WARS1: variants seen among roughly 807,000 people sequenced by gnomAD.
WARS1 encodes tryptophan--tRNA ligase, cytoplasmic.
In WARS1, 17 loss-of-function variants were observed where a neutral mutation model predicts 47.8. The ratio of observed to expected loss-of-function variants is 0.36; its 90% CI spans 0.24 to 0.53. The LOEUF is 0.53. Ranked by LOEUF, WARS1 falls within the 20% of genes least tolerant of loss-of-function variation. The probability of loss-of-function intolerance (pLI) is 0.91; values close to 1 mark genes in which losing one functional copy is unlikely to be tolerated. For synonymous variants in WARS1, 208 were observed against 228.1 expected (o/e 0.91, Z 0.79); for missense variants, 434 against 608.0 (o/e 0.71, Z 3.01).
intron 2 of WARS1, chr14:100,365,904 T>A: frequency 2.4e-6 from 1 of 415,820 alleles, no homozygotes; most frequent in South Asian, 1.8e-5. Flanking sequence ...GAGTGTACAC[T>A]GTTACGGAAT....
At chr14:100,357,867 AAAG>A (rs771852424) in intron 4 of WARS1, among the ~76,000 whole-genome samples, 4 of 152,244 alleles carry the variant, frequency 2.6e-5, no homozygotes, top group Non-Finnish European at 5.9e-5. Flanking sequence ...AAATCTAAGC[AAAG>A]AAGTGCAAAA....
chr14:100,345,704 G>A (rs959428726), intron 7 of WARS1, among the ~76,000 whole-genome samples: 2 of 152,118 alleles, frequency 1.3e-5, no homozygotes, highest in East Asian at 1.9e-4. Flanking sequence ...TATGATGAAT[G>A]TATTTTGATA....
rs923734466 is a variant in WARS1 at position 100,351,849 on chromosome 14, C to T, written c.725+1838G>A. Among the ~76,000 whole-genome samples, 3 of 151,704 alleles carry T rather than the reference C, an allele frequency of 2.0e-5. 1 individual carries two copies. The highest frequency in any genetic ancestry group is 2.9e-5 in the Non-Finnish European group (2 of 67,958). On this transcript the variant is annotated intron_variant, in intron 6 of 10. Coordinates refer to ENST00000392882, the MANE Select transcript of WARS1 (RefSeq NM_004184.4). ...TCTACTAAAAATACAAAAAATTAGC[C>T]GGACATGGTGGCGGGCACCTGTAGT...
intron 7 of WARS1, among the ~76,000 whole-genome samples, chr14:100,344,293 C>T (rs898967317): frequency 4.6e-5 from 7 of 152,180 alleles, no homozygotes; most frequent in Admixed American, 2.6e-4. Flanking sequence ...CTGTGTTGGC[C>T]GGGCTGGTCT....
chr14:100,343,913 G>C (rs1894345549), intron 7 of WARS1, among the ~76,000 whole-genome samples: 1 of 152,212 alleles, frequency 6.6e-6, no homozygotes, highest in South Asian at 2.1e-4. Context: ...GATTACAGGC[G>C]TGAGCCACGG....
At chr14:100,335,866 C>G (rs1177837721) in intron 10 of WARS1, among the ~76,000 whole-genome samples, 1 of 152,114 alleles carries the variant, frequency 6.6e-6, no homozygotes, top group Non-Finnish European at 1.5e-5. Flanking sequence ...ACATTTCTTT[C>G]CCTGTGCATT....
At chr14:100,349,776 T>C (rs555542691) in intron 6 of WARS1, among the ~76,000 whole-genome samples, 166 of 152,350 alleles carry the variant, frequency 1.1e-3, no homozygotes, top group Non-Finnish European at 2.0e-3. Flanking sequence ...GGAACTGCAC[T>C]GGCCTCCTCC....
At chr14:100,342,161 A>AAG (rs1345007787) in intron 9 of WARS1, 4 of 558,666 alleles carry the variant, frequency 7.2e-6, no homozygotes, top group African/African-American at 1.9e-5. Context: ...AAAAAGAAAA[A>AAG]AAATTCAAAA....
intron 9 of WARS1, 146 bp from the exon 10 acceptor site, chr14:100,337,348 G>C (rs1187748727): frequency 5.1e-6 from 6 of 1,180,444 alleles, no homozygotes; most frequent in Non-Finnish European, 7.1e-6. Context: ...AGCCGGTTGG[G>C]GGCGCACAGC....
chr14:100,342,620 G>A (rs1463161977), intron 8 of WARS1, 49 bp from the exon 9 acceptor site: 4 of 1,547,826 alleles, frequency 2.6e-6, no homozygotes, highest in Non-Finnish European at 3.5e-6. Context: ...AAACATGCCA[G>A]CTTTCAGCCA....
chr14:100,359,697 G>A (rs1225494957), intron 4 of WARS1, among the ~76,000 whole-genome samples: 1 of 152,154 alleles, frequency 6.6e-6, no homozygotes, highest in South Asian at 2.1e-4. Flanking sequence ...GTGATGAAAT[G>A]TTTTGGAATT....
chr14:100,346,215 T>C (rs180906313), intron 7 of WARS1, among the ~76,000 whole-genome samples: 12 of 152,300 alleles, frequency 7.9e-5, no homozygotes, highest in Admixed American at 5.9e-4. Flanking sequence ...GGCAAACCAT[T>C]TGCACATCTG....
intron 6 of WARS1, among the ~76,000 whole-genome samples, chr14:100,353,353 C>G (rs1040487029): frequency 6.6e-6 from 1 of 152,092 alleles, no homozygotes; most frequent in Admixed American, 6.6e-5. Flanking sequence ...CGGGTTCAAG[C>G]GATTCTCCTG....
intron 2 of WARS1, among the ~76,000 whole-genome samples, chr14:100,368,645 T>C (rs8022027): frequency 0.68 from 104,094 of 152,100 alleles, 36,824 homozygotes; most frequent in Admixed American, 0.81. Flanking sequence ...ATCCCAATGT[T>C]GATAAAGGAA....
intron 2 of WARS1, chr14:100,365,888 G>A (rs1895956115): frequency 2.6e-6 from 1 of 383,934 alleles, no homozygotes; most frequent in African/African-American, 2.1e-5. Context: ...ATACTGGAAG[G>A]TGACCGAGTG....
At chr14:100,336,144 C>T (rs371206080) in intron 10 of WARS1, among the ~76,000 whole-genome samples, 3 of 151,792 alleles carry the variant, frequency 2.0e-5, no homozygotes, top group East Asian at 3.9e-4. Flanking sequence ...GGCATGGTGG[C>T]GGGTGCCTGT....
In WARS1 at chr14:100,357,963, T is replaced by C. The variant is rs185490677; in HGVS notation, c.422+2591A>G. Among the ~76,000 whole-genome samples the C allele has an allele frequency of 5.3e-5, 8 of 152,258 alleles. No individual in the cohort carries two copies. In the East Asian group the frequency reaches 1.5e-3, roughly 29 times the overall value. ...TCCCATGTTCATGGATTAGATGAAT[T>C]AATATTTTAAGATGGCAATACTCCA... On this transcript the variant is annotated intron_variant, in intron 4 of 10. Coordinates refer to ENST00000392882, the MANE Select transcript of WARS1 (RefSeq NM_004184.4).
At position 100,346,789 on chromosome 14, in the gene WARS1, G is replaced by A. The variant is rs370820642; in HGVS notation, c.783C>T (p.Asn261=). 1.9e-6 allele frequency: 3 copies of A among 1,614,030 alleles called. No individual in the cohort carries two copies. Among genetic ancestry groups the A allele is most frequent in the Non-Finnish European group, 2.5e-6 (3 of 1,180,020 alleles). ...TGAAGCCGAAAATGCCTTTCACTTG[G>A]TTGAAGGTAACATGCTTTTGAATCT... ...VVKIQKHVTF[N]QVKGIFGFTD... Residue 261 remains asparagine (N), a synonymous_variant, in exon 7 of 11, where the codon AAC becomes AAT. Coordinates refer to ENST00000392882, the MANE Select transcript of WARS1 (RefSeq NM_004184.4).
rs914382577 is a variant in WARS1 at position 100,357,295 on chromosome 14, GA to G, written c.423-2730del. Among the ~76,000 whole-genome samples, 29 of 148,584 alleles carry G rather than the reference GA, an allele frequency of 2.0e-4. No homozygotes were observed. In the South Asian group the frequency reaches 2.3e-3, roughly 12 times the overall value. ...AGTTGAAGTCAGAGAAATTAGGAAC[GA>G]AAAAAAAATCCAAATTGGAAAGGAG... On this transcript the variant is annotated intron_variant, in intron 4 of 10. Transcript: ENST00000392882.
Sources: allele counts gnomAD v4.1 joint callset (sites outside exome capture counted in the v4.1 genomes callset), GRCh38; gene constraint gnomAD v4.1.1; transcripts MANE v1.5; gene names NCBI Gene and HGNC (gene_info 2026-07-23, HGNC 2026-07-21).